NFATC2: variants seen among roughly 807,000 people sequenced by gnomAD.
The protein encoded by NFATC2 is nuclear factor of activated T-cells, cytoplasmic 2.
In NFATC2, 22 loss-of-function variants were observed where a neutral mutation model predicts 87.3. The observed-to-expected ratio is 0.25, with a 90% CI of 0.18 to 0.36. NFATC2 has a LOEUF of 0.36. Among genes scored for constraint, NFATC2 ranks in the 10% least tolerant of loss-of-function variants. The pLI is 1.00. For synonymous variants in NFATC2, 565 were observed against 542.2 expected (o/e 1.04, Z -0.58); for missense variants, 1,149 against 1,259.1 (o/e 0.91, Z 1.32).
At chr20:51,467,194 C>T (rs1159451680) in intron 5 of NFATC2, among the ~76,000 whole-genome samples, 3 of 151,828 alleles carry the variant, frequency 2.0e-5, no homozygotes, top group African/African-American at 4.8e-5. Context: ...AGAACTGATG[C>T]ATATTAACAA....
chr20:51,429,000 G>T (rs938857659), intron 9 of NFATC2, among the ~76,000 whole-genome samples: 4 of 152,218 alleles, frequency 2.6e-5, no homozygotes, highest in African/African-American at 7.2e-5. Flanking sequence ...GACCAAGGAA[G>T]TTGCCCCACC....
chr20:51,444,539 T>C (rs939573396), intron 6 of NFATC2, among the ~76,000 whole-genome samples: 1 of 152,020 alleles, frequency 6.6e-6, no homozygotes, highest in East Asian at 1.9e-4. Context: ...CGGGCTCATG[T>C]CAGCACTCTG....
At chr20:51,532,550 T>C (rs931317792) in intron 1 of NFATC2, among the ~76,000 whole-genome samples, 1 of 152,154 alleles carries the variant, frequency 6.6e-6, no homozygotes, top group African/African-American at 2.4e-5. Flanking sequence ...GAGTCAAAGA[T>C]TATTTTAAAA....
At chr20:51,562,647 T>C (rs780205955), upstream of NFATC2, 41 of 1,549,180 alleles carry the variant, frequency 2.6e-5, no homozygotes, top group South Asian at 2.5e-4. The surrounding 1 kb of genome is among the most constrained non-coding windows in gnomAD (Gnocchi z 5.8). Context: ...GCACGGGGAC[T>C]TGGCGCGTGT....
intron 9 of NFATC2, among the ~76,000 whole-genome samples, chr20:51,408,570 G>A (rs1978726524): frequency 6.9e-6 from 1 of 145,300 alleles, no homozygotes; most frequent in Non-Finnish European, 1.5e-5. Context: ...ACATGGGAAA[G>A]ATATTTACAA....
chr20:51,555,410 A>G (rs1164873858), intron 1 of NFATC2, among the ~76,000 whole-genome samples: 2 of 151,970 alleles, frequency 1.3e-5, no homozygotes, highest in South Asian at 2.1e-4. Flanking sequence ...TGGCTAACAC[A>G]GTGAAACCCC....
chr20:51,561,471 G>GA (rs1221269362), intron 1 of NFATC2, among the ~76,000 whole-genome samples: 2 of 137,952 alleles, frequency 1.4e-5, no homozygotes, highest in African/African-American at 2.8e-5. Context: ...AAGAAAGAAA[G>GA]AAAGAAAGAA....
chr20:51,499,341 C>T (rs1487633720), intron 3 of NFATC2, among the ~76,000 whole-genome samples: 2 of 152,042 alleles, frequency 1.3e-5, no homozygotes, highest in East Asian at 1.9e-4. Flanking sequence ...AGCACCCTAC[C>T]CCGAGCCCAG....
intron 9 of NFATC2, 182 bp from the exon 10 acceptor site, chr20:51,398,912 G>A: frequency 3.4e-6 from 2 of 585,496 alleles, no homozygotes; most frequent in Non-Finnish European, 3.0e-6. Flanking sequence ...CCAACACTAG[G>A]GTAATAATCA....
intron 5 of NFATC2, among the ~76,000 whole-genome samples, chr20:51,458,572 G>A (rs1406018268): frequency 6.6e-6 from 1 of 151,796 alleles, no homozygotes; most frequent in African/African-American, 2.4e-5. Context: ...GCTGAGGCAG[G>A]CGGATCACAA....
intron 1 of NFATC2, among the ~76,000 whole-genome samples, chr20:51,561,131 A>ATT (rs11417316): frequency 5.3e-5 from 8 of 151,410 alleles, no homozygotes; most frequent in African/African-American, 9.7e-5. Context: ...ATATCAGTAA[A>ATT]TTTTTTTTGC....
intron 1 of NFATC2, among the ~76,000 whole-genome samples, chr20:51,552,323 T>C (rs1043044832): frequency 4.6e-5 from 7 of 152,174 alleles, no homozygotes; most frequent in Non-Finnish European, 1.0e-4. Context: ...TGTGTGTATA[T>C]ATATATACAT....
chr20:51,502,288 C>A (rs1293079053), intron 3 of NFATC2, among the ~76,000 whole-genome samples: 1 of 152,188 alleles, frequency 6.6e-6, no homozygotes, highest in African/African-American at 2.4e-5. Context: ...TGGCACCATG[C>A]CCTTGCTAAA....
At chr20:51,457,315 G>A (rs1600776973) in intron 5 of NFATC2, among the ~76,000 whole-genome samples, 1 of 152,208 alleles carries the variant, frequency 6.6e-6, no homozygotes, top group African/African-American at 2.4e-5. Context: ...CATTTTACAG[G>A]TGGAAAGCCT....
rs145893076 is a variant in NFATC2, at chr20:51,441,481, C to T, written c.1850-5720G>A. On this transcript the variant is annotated intron_variant, in intron 6 of 10. Coordinates refer to ENST00000371564, the MANE Select transcript of NFATC2 (RefSeq NM_012340.5). ...CTGTAATCCCAGCACTTTGGGAGGC[C>T]AAGGTAGGTGGACCACCTGAGGTCA... 2.9e-3 allele frequency among the ~76,000 whole-genome samples: 444 copies of T among 151,950 alleles called. 8 individuals carry two copies. Among genetic ancestry groups the T allele is most frequent in the African/African-American group, 0.01 (429 of 41,432 alleles).
intron 3 of NFATC2, among the ~76,000 whole-genome samples, chr20:51,486,914 G>A (rs148899984): frequency 0.011 from 1,660 of 152,238 alleles, 11 homozygotes; most frequent in Middle Eastern, 0.027. Context: ...AAAGTCAGAA[G>A]AGCAGACTAA....
rs1180172265 is a variant in NFATC2 at position 51,388,674 on chromosome 20, A to G, written c.*2822T>C. 1.3e-5 allele frequency: 2 copies of G among 152,228 alleles called. No individual in the cohort carries two copies. The highest frequency in any genetic ancestry group is 2.4e-5 in the African/African-American group (1 of 41,466). 9.4% of individuals were successfully genotyped at this position (152,228 alleles called of 1,614,324 possible). Reference sequence around the variant, plus strand: ...ATAACATACTAATCTGGATTGCTATACATATTATCAAGCAGCAGCATCTTT... The same window carrying G: ...ATAACATACTAATCTGGATTGCTATGCATATTATCAAGCAGCAGCATCTTT... On this transcript the variant is annotated 3_prime_UTR_variant, in exon 11 of 11. Coordinates refer to ENST00000371564, the MANE Select transcript of NFATC2 (RefSeq NM_012340.5).
chr20:51,413,240 T>C (rs1304354067), intron 9 of NFATC2, among the ~76,000 whole-genome samples: 3 of 151,894 alleles, frequency 2.0e-5, no homozygotes, highest in African/African-American at 7.3e-5. Flanking sequence ...CCCAAGCATC[T>C]GCCTCTGTCA....
Position 51,403,436 on chromosome 20 carries a change from A to G in NFATC2, c.2723-4706T>C, listed in dbSNP as rs116010343. On this transcript the variant is annotated intron_variant, in intron 9 of 10. Transcript: ENST00000371564. The stretch of plus-strand genomic sequence containing the variant: ...GTTCCTAAAAGACAGTAGTTCCCAG[A>G]ACAGGCAGACAGAACCTTCACTCCT... Among the ~76,000 whole-genome samples the G allele has an allele frequency of 1.5e-3, 229 of 152,326 alleles. 2 individuals carry two copies. The highest frequency in any genetic ancestry group is 5.2e-3 in the African/African-American group (218 of 41,570).
Sources: gnomAD v4.1 joint callset for allele counts (sites outside exome capture counted in the v4.1 genomes callset) on GRCh38, gnomAD v4.1.1 for gene constraint, Gnocchi (gnomAD v3.1) non-coding constraint, MANE v1.5 for transcripts, NCBI Gene and HGNC (gene_info 2026-07-23, HGNC 2026-07-21) for gene names.